Variants in ATAD2B observed in about 807,000 individuals in gnomAD.
ATAD2B encodes the protein ATPase family AAA domain containing 2B, also known as ATPase family AAA domain-containing protein 2B.
A neutral mutation model predicts 167.6 loss-of-function variants in ATAD2B; 40 were observed. That is an observed-to-expected ratio of 0.24 (90% CI 0.19 to 0.31). The LOEUF (loss-of-function observed/expected upper bound fraction) is 0.31. Ranked by LOEUF, ATAD2B falls within the 10% of genes least tolerant of loss-of-function variation. The probability of loss-of-function intolerance (pLI) is 1.00; values close to 1 mark genes in which losing one functional copy is unlikely to be tolerated. For missense variants in ATAD2B, 1,242 were observed against 1,757.2 expected, an observed-to-expected ratio of 0.71 and a Z score of 5.24; for synonymous variants, 579 against 596.5, an observed-to-expected ratio of 0.97 and a Z score of 0.43.
the ATAD2B span, among the ~76,000 whole-genome samples, chr2:23,731,085 AC>A: frequency 6.6e-6 from 1 of 152,168 alleles, no homozygotes; most frequent in African/African-American, 2.4e-5. Flanking sequence ...CAAAAATGGA[AC>A]CATTTTAGCA....
chr2:23,864,829 C>T lies in ATAD2B; in HGVS notation c.1284G>A (p.Lys428=), dbSNP rs1430044460. 1.3e-6 allele frequency: 2 copies of T among 1,581,438 alleles called. No homozygotes were observed. The highest frequency in any genetic ancestry group is 1.8e-5 in the Admixed American group (1 of 56,134). ...CTTACCTTGGAGGCTGAATTTTAAA[C>T]TTTTCAAAAATTTCTGGATATAAAA... ...FPLLYPEIFE[K]FKIQPPRGCL... is the part of the protein sequence containing the mutation. Residue 428 remains lysine, a synonymous_variant, in exon 11 of 28, where the codon AAG becomes AAA. Coordinates refer to ENST00000238789, the MANE Select transcript of ATAD2B (RefSeq NM_017552.4).
At chr2:23,850,352 A>G (rs1431939013) in intron 13 of ATAD2B, among the ~76,000 whole-genome samples, 1 of 152,220 alleles carries the variant, frequency 6.6e-6, no homozygotes. Context: ...CAGTGAATAC[A>G]TGTCAAAAAC....
chr2:23,706,543 C>T, the ATAD2B span: 5 of 1,536,868 alleles, frequency 3.3e-6, no homozygotes, highest in South Asian at 2.4e-5. Flanking sequence ...GAAGGGCCCG[C>T]GCTGGGCAAC....
Position 23,822,917 on chromosome 2 carries a change from CAAAAA to C in ATAD2B, c.2131+336_2131+340del, listed in dbSNP as rs33911389. Among the ~76,000 whole-genome samples the C allele has an allele frequency of 7.4e-3, 490 of 66,296 alleles. 2 individuals are homozygous for C. The highest frequency in any genetic ancestry group is 9.3e-3 in the Non-Finnish European group (358 of 38,650). The allele number at this position is 66,296 out of a possible 152,430, so 43.5% of individuals were successfully genotyped here. A position where few individuals can be genotyped will look rare whatever the true frequency, so the allele number is the denominator to read the frequency against. Reference sequence around the variant, plus strand: ...GGGCAACAAGAGCGAAACTCCATCTCAAAAAAAAAAAAAAAAAAAAAAAAGGATTA... The same window carrying C: ...GGGCAACAAGAGCGAAACTCCATCTCAAAAAAAAAAAAAAAAAAAGGATTA... On this transcript the variant is annotated intron_variant, in intron 16 of 27. Transcript: ENST00000238789.
intron 23 of ATAD2B, among the ~76,000 whole-genome samples, chr2:23,762,736 T>C (rs1572652495): frequency 6.6e-6 from 1 of 152,228 alleles, no homozygotes; most frequent in Admixed American, 6.5e-5. Flanking sequence ...TCCCGTGAAC[T>C]GTTTCAAAAT....
chr2:23,819,948 G>T, intron 16 of ATAD2B, 66 bp from the exon 17 acceptor site: 1 of 1,197,522 alleles, frequency 8.4e-7, no homozygotes, highest in Non-Finnish European at 1.1e-6. Flanking sequence ...CCCTACCAAA[G>T]CTAAGAAAAA....
At chr2:23,876,449 C>T (rs765988883) in intron 7 of ATAD2B, among the ~76,000 whole-genome samples, 32 of 149,330 alleles carry the variant, frequency 2.1e-4, no homozygotes, top group Admixed American at 1.9e-3. Context: ...TTACAGGCGC[C>T]AGCCACCACG....
intron 18 of ATAD2B, among the ~76,000 whole-genome samples, chr2:23,808,086 T>TATATAATTATATATATAAGTAATTATAG: frequency 7.4e-6 from 1 of 135,028 alleles, no homozygotes; most frequent in Non-Finnish European, 1.5e-5. Flanking sequence ...AGTAATTATA[T>TATATAATTATATATATAAGTAATTATAG]ATATAATTAT....
chr2:23,910,076 C>G lies in ATAD2B; in HGVS notation c.217-14106G>C, dbSNP rs774784661. Among the ~76,000 whole-genome samples, 65 of 151,480 alleles carry G rather than the reference C, an allele frequency of 4.3e-4. 1 individual carries two copies. Among genetic ancestry groups the G allele is most frequent in the Admixed American group, 2.8e-3 (43 of 15,156 alleles). ...GTGAGGTCTCACTTTGTTTCCCAGA[C>G]TGGTATCAAACTCCTGGCCTCAAGT... is the stretch of plus-strand genomic sequence containing the variant. On this transcript the variant is annotated intron_variant, in intron 1 of 27. Coordinates refer to ENST00000238789, the MANE Select transcript of ATAD2B (RefSeq NM_017552.4).
intron 15 of ATAD2B, among the ~76,000 whole-genome samples, chr2:23,827,213 A>C (rs968115354): frequency 1.3e-5 from 2 of 152,274 alleles, no homozygotes; most frequent in South Asian, 2.1e-4. Context: ...GAGTCTGCAC[A>C]CATACTACCA....
chr2:23,779,779 G>T (rs1455442105), intron 22 of ATAD2B, among the ~76,000 whole-genome samples: 2 of 152,058 alleles, frequency 1.3e-5, no homozygotes, highest in Admixed American at 6.6e-5. Context: ...AATATTATAG[G>T]AATGACAAAA....
intron 4 of ATAD2B, among the ~76,000 whole-genome samples, chr2:23,887,241 G>A (rs1251406031): frequency 6.6e-6 from 1 of 151,864 alleles, no homozygotes; most frequent in Non-Finnish European, 1.5e-5. Context: ...TCCAGCCTGG[G>A]CGAGGGATTG....
rs369538593 is a variant in ATAD2B, at chr2:23,823,225, A to G, written c.2131+33T>C. ...ATTTATTTATTCCTGTATTTGTTTCATCTTAACAATATAAAAAAGTAGTTT... is the reference window on the plus strand; with the variant it reads ...ATTTATTTATTCCTGTATTTGTTTCGTCTTAACAATATAAAAAAGTAGTTT... On this transcript the variant is annotated intron_variant, in intron 16 of 27. Transcript: ENST00000238789. The G allele has an allele frequency of 1.1e-4, 167 of 1,493,972 alleles. No individual in the cohort carries two copies. In the African/African-American group the frequency reaches 2.2e-3, roughly 20 times the overall value. 92.5% of individuals were successfully genotyped at this position (1,493,972 alleles called of 1,614,324 possible).
At chr2:23,870,632 G>A (rs535986448) in intron 8 of ATAD2B, among the ~76,000 whole-genome samples, 2 of 45,348 alleles carry the variant, frequency 4.4e-5, no homozygotes, top group African/African-American at 1.1e-4. Context: ...ATCGGTCACT[G>A]TTTGATAAAT....
At chr2:23,873,157 C>T (rs1331223417) in intron 8 of ATAD2B, 1 of 349,300 alleles carries the variant, frequency 2.9e-6, no homozygotes, top group Non-Finnish European at 5.5e-6. Context: ...AGGAAAGTTC[C>T]CAAGTTTATG....
At chr2:23,840,468 A>G (rs1690705302) in intron 13 of ATAD2B, among the ~76,000 whole-genome samples, 1 of 152,114 alleles carries the variant, frequency 6.6e-6, no homozygotes. Flanking sequence ...TTCCGTTCAC[A>G]TATTGTTGGC....
chr2:23,760,146 CG>C (rs1676467515), intron 24 of ATAD2B, among the ~76,000 whole-genome samples: 1 of 152,154 alleles, frequency 6.6e-6, no homozygotes, highest in Admixed American at 6.5e-5. Flanking sequence ...CTGGCTAATA[CG>C]GTAAGAGAAA....
At chr2:23,923,039 C>T (rs1704188186) in intron 1 of ATAD2B, among the ~76,000 whole-genome samples, 1 of 152,128 alleles carries the variant, frequency 6.6e-6, no homozygotes, top group South Asian at 2.1e-4. Flanking sequence ...ATTAGGATTT[C>T]GACGGACATC....
Position 23,824,738 on chromosome 2 carries a change from G to C in ATAD2B, c.1820-1169C>G, listed in dbSNP as rs186040722. ...TGTTTTTAAGTCATTTCATTCATCT[G>C]AGTAACAAATACATACAAAAACACA... On this transcript the variant is annotated intron_variant, in intron 15 of 27. Transcript: ENST00000238789. 2.0e-5 allele frequency among the ~76,000 whole-genome samples: 3 copies of C among 152,200 alleles called. No individual in the cohort carries two copies. The East Asian group carries it at 5.8e-4, about 29-fold the overall frequency.
Sources: gnomAD v4.1 joint callset for allele counts (sites outside exome capture counted in the v4.1 genomes callset) on GRCh38, gnomAD v4.1.1 for gene constraint, MANE v1.5 for transcripts, NCBI Gene and HGNC (gene_info 2026-07-23, HGNC 2026-07-21) for gene names.